Variants in NPC1 observed in about 807,000 individuals in gnomAD.
NPC1 encodes NPC intracellular cholesterol transporter 1, also known as Niemann-Pick C1 protein.
A neutral mutation model predicts 140.4 loss-of-function variants in NPC1; 85 were observed. That is an observed-to-expected ratio of 0.61 (90% CI 0.51 to 0.72). NPC1 has a LOEUF of 0.72. Among genes scored for constraint, NPC1 ranks in the 30% least tolerant of loss-of-function variants. NPC1 has a pLI of 0.00. For missense variants in NPC1, 1,504 were observed against 1,623.8 expected (o/e 0.93, Z 1.27); for synonymous variants, 656 against 624.8 (o/e 1.05, Z -0.74).
At chr18:23,515,553 G>T (rs2057979185) in intron 3 of NPC1, among the ~76,000 whole-genome samples, 1 of 152,200 alleles carries the variant, frequency 6.6e-6, no homozygotes, top group Non-Finnish European at 1.5e-5. Flanking sequence ...AATTGAGACT[G>T]AATCTCGCTC....
chr18:23,527,006 AG>A (rs1256100194), downstream of NPC1, among the ~76,000 whole-genome samples: 1 of 152,112 alleles, frequency 6.6e-6, no homozygotes, highest in Non-Finnish European at 1.5e-5. Flanking sequence ...GGCACACAGG[AG>A]GGGAGTGGGC....
rs1599008875 is a variant in NPC1 at position 23,572,098 on chromosome 18, T to C, written c.263A>G (p.Gln88Arg). 6.2e-7 allele frequency: 1 copy of C among 1,613,750 alleles called. No homozygotes were observed. Among genetic ancestry groups the C allele is most frequent in the South Asian group, 1.1e-5 (1 of 91,078 alleles). ...CCTGGACAGAAACTGTAGAGGCAGCTGCAGGTTGTCTTTTAGTGTCTGAAG... is the reference window on the plus strand; with the variant it reads ...CCTGGACAGAAACTGTAGAGGCAGCCGCAGGTTGTCTTTTAGTGTCTGAAG... ...RQLQTLKDNL[Q>R]LPLQFLSRCP... Residue 88 changes from glutamine to arginine, a missense_variant, in exon 3 of 25, where the codon CAG (glutamine) becomes CGG (arginine). Transcript: ENST00000269228.
chr18:23,544,946 C>CCA lies in NPC1; in HGVS notation c.1947+13_1947+14insTG. On this transcript the variant is annotated intron_variant, in intron 12 of 24. Coordinates refer to ENST00000269228, the MANE Select transcript of NPC1 (RefSeq NM_000271.5). ...GTTAACCTCTAGAACATACACCACC[C>CCA]CCCCCCGGCTTACCAGAAGCCTGCG... 2 of 1,329,792 alleles carry CCA rather than the reference C, an allele frequency of 1.5e-6. No homozygotes were observed. The highest frequency in any genetic ancestry group is 3.6e-5 in the Admixed American group (2 of 55,438). The allele number at this position is 1,329,792 out of a possible 1,614,324, so 82.4% of individuals were successfully genotyped here.
rs2145447446 is a variant in NPC1 at position 23,554,841 on chromosome 18, G to A, written c.1470C>T (p.Asn490=). 1 of 1,614,186 alleles carries A rather than the reference G, an allele frequency of 6.2e-7. No homozygotes were observed. The highest frequency in any genetic ancestry group is 8.5e-7 in the Non-Finnish European group (1 of 1,180,028). The stretch of plus-strand genomic sequence containing the variant: ...TCTTGTGGTCCAGCACGGAATGGCT[G>A]TTCTGGAAGTAATTTAACACACTCA... The part of the protein sequence containing the change: ...TILSVLNYFQ[N]SHSVLDHKKG... The change falls in exon 9 of 25, where the codon AAC becomes AAT. Residue 490 remains asparagine (N), a synonymous_variant. Coordinates refer to ENST00000269228, the MANE Select transcript of NPC1 (RefSeq NM_000271.5).
chr18:23,572,283 G>A (rs1294449409), intron 2 of NPC1, 103 bp from the exon 3 acceptor site: 2 of 757,638 alleles, frequency 2.6e-6, no homozygotes, highest in Non-Finnish European at 4.7e-6. Flanking sequence ...TCCTTTTGAA[G>A]TACAAAAGGG....
At chr18:23,585,116 C>A (rs1788781) in intron 1 of NPC1, among the ~76,000 whole-genome samples, 85,405 of 151,978 alleles carry the variant, frequency 0.56, 24,941 homozygotes, top group African/African-American at 0.71. Flanking sequence ...ATTTTCTCTA[C>A]GGCACATAAT....
chr18:23,533,202 T>C (rs1272916685), intron 24 of NPC1, 153 bp downstream of exon 24: 2 of 899,596 alleles, frequency 2.2e-6, no homozygotes, highest in Non-Finnish European at 3.4e-6. Context: ...ATGGGTTTTT[T>C]CTTTTAGAAG....
At chr18:23,553,889 C>A (rs1175661582) in intron 9 of NPC1, among the ~76,000 whole-genome samples, 1 of 152,218 alleles carries the variant, frequency 6.6e-6, no homozygotes, top group Non-Finnish European at 1.5e-5. Flanking sequence ...ACCTATACTG[C>A]CTCAACTCCT....
At chr18:23,578,596 T>G (rs1318700700) in intron 1 of NPC1, among the ~76,000 whole-genome samples, 1 of 152,140 alleles carries the variant, frequency 6.6e-6, no homozygotes. Context: ...TCTCTTTCTC[T>G]TCTGTGTTTT....
chr18:23,522,365 A>T (rs1471274271), exon 2 of NPC1: 2 of 152,180 alleles, frequency 1.3e-5, no homozygotes, highest in Non-Finnish European at 2.9e-5. Flanking sequence ...AAAACTAAAC[A>T]TTTAGAACAA....
At chr18:23,515,544 A>G (rs2057978729) in intron 3 of NPC1, among the ~76,000 whole-genome samples, 1 of 152,142 alleles carries the variant, frequency 6.6e-6, no homozygotes, top group Non-Finnish European at 1.5e-5. Context: ...TTATTTATTA[A>G]TTGAGACTGA....
downstream of NPC1, chr18:23,529,160 T>C: frequency 6.2e-7 from 1 of 1,606,240 alleles, no homozygotes; most frequent in Non-Finnish European, 8.5e-7. Flanking sequence ...GATCATAGTT[T>C]GTGGTTTTTT....
rs189365207 is a variant in NPC1, at chr18:23,566,237, T to A, written c.463+2586A>T. Among the ~76,000 whole-genome samples, 677 of 151,868 alleles carry A rather than the reference T, an allele frequency of 4.5e-3. 6 individuals are homozygous for A. The highest frequency in any genetic ancestry group is 0.016 in the African/African-American group (653 of 41,406). ...AAGACCCTATCTCTACAAAAAAAAA[T>A]TTGTTTTTAATTAGCTAGGTGTGGT... On this transcript the variant is annotated intron_variant, in intron 4 of 24. Coordinates refer to ENST00000269228, the MANE Select transcript of NPC1 (RefSeq NM_000271.5).
chr18:23,576,396 T>C (rs781214179), intron 1 of NPC1: 6 of 831,592 alleles, frequency 7.2e-6, no homozygotes, highest in Non-Finnish European at 8.7e-6. Flanking sequence ...CACTCCAGCC[T>C]GGACAACAAA....
intron 4 of NPC1, among the ~76,000 whole-genome samples, chr18:23,567,957 TCATA>T (rs559325307): frequency 5.3e-5 from 8 of 152,340 alleles, no homozygotes; most frequent in African/African-American, 1.9e-4. Flanking sequence ...TTGTTTATAT[TCATA>T]AATATTTTTC....
chr18:23,519,002 C>T (rs1567922963), downstream of NPC1: 1 of 1,613,242 alleles, frequency 6.2e-7, no homozygotes, highest in Non-Finnish European at 8.5e-7. Flanking sequence ...CTTTGTTTTC[C>T]CTCTCTCTCT....
downstream of NPC1, chr18:23,518,957 G>A: frequency 1.2e-6 from 2 of 1,614,152 alleles, no homozygotes; most frequent in Non-Finnish European, 1.7e-6. Flanking sequence ...AGGAGCGGAG[G>A]TGGTCCTCTA....
chr18:23,555,203 G>A (rs1351822837), intron 8 of NPC1, among the ~76,000 whole-genome samples: 1 of 152,236 alleles, frequency 6.6e-6, no homozygotes, highest in Non-Finnish European at 1.5e-5. Context: ...CACAGAGGCG[G>A]CGAGGGGTAG....
Position 23,544,943 on chromosome 18 carries a change from ACCCC to A in NPC1, c.1947+13_1947+16del. ...GCTGTTAACCTCTAGAACATACACC[ACCCC>A]CCCCCGGCTTACCAGAAGCCTGCGA... On this transcript the variant is annotated intron_variant, in intron 12 of 24. Transcript: ENST00000269228. The A allele has an allele frequency of 4.8e-6, 5 of 1,032,928 alleles. No homozygotes were observed. The highest frequency in any genetic ancestry group is 7.0e-6 in the Non-Finnish European group (5 of 712,932). 64.0% of individuals were successfully genotyped at this position (1,032,928 alleles called of 1,614,324 possible). A position where few individuals can be genotyped will look rare whatever the true frequency, so the allele number is the denominator to read the frequency against.
Sources: allele counts gnomAD v4.1 joint callset (sites outside exome capture counted in the v4.1 genomes callset), GRCh38; gene constraint gnomAD v4.1.1; transcripts MANE v1.5; gene names NCBI Gene and HGNC (gene_info 2026-07-23, HGNC 2026-07-21).